WDPCP: variants seen among roughly 807,000 people sequenced by gnomAD.
WDPCP encodes the protein WD repeat containing planar cell polarity effector, also known as WD repeat-containing and planar cell polarity effector protein fritz homolog.
In WDPCP, 71 loss-of-function variants were observed where a neutral mutation model predicts 93.1. The ratio of observed to expected loss-of-function variants is 0.76; its 90% confidence interval spans 0.63 to 0.93. The LOEUF (loss-of-function observed/expected upper bound fraction) is 0.93. Ranked by LOEUF, WDPCP falls within the 40% of genes least tolerant of loss-of-function variation. The pLI, the probability that WDPCP is intolerant of heterozygous loss-of-function variation, is 0.00. For missense variants in WDPCP, 844 were observed against 887.4 expected, an observed-to-expected ratio of 0.95 and a Z score of 0.62; for synonymous variants, 315 against 315.0, an observed-to-expected ratio of 1.00 and a Z score of 0.00.
chr2:63,202,797 C>T (rs186067201), intron 14 of WDPCP, among the ~76,000 whole-genome samples: 1 of 152,104 alleles, frequency 6.6e-6, no homozygotes, highest in Admixed American at 6.5e-5. Context: ...CTTTGTTTAT[C>T]CTTTATTTTC....
intron 12 of WDPCP, among the ~76,000 whole-genome samples, chr2:63,357,815 A>C (rs755880746): frequency 3.9e-5 from 6 of 152,198 alleles, no homozygotes; most frequent in Non-Finnish European, 7.3e-5. Context: ...GCAAATGTTC[A>C]TTGCAGCACT....
At chr2:63,438,869 C>T (rs1697320311) in intron 7 of WDPCP, among the ~76,000 whole-genome samples, 1 of 152,086 alleles carries the variant, frequency 6.6e-6, no homozygotes, top group Non-Finnish European at 1.5e-5. Flanking sequence ...CATTTTCAAT[C>T]TTTCATGATA....
chr2:63,204,633 C>T (rs559978732), intron 14 of WDPCP, among the ~76,000 whole-genome samples: 25 of 152,242 alleles, frequency 1.6e-4, no homozygotes, highest in South Asian at 4.2e-4. Context: ...TGAGCCACTG[C>T]GCCTGGCCTG....
intron 13 of WDPCP, among the ~76,000 whole-genome samples, chr2:63,265,969 A>C (rs1682076029): frequency 6.6e-6 from 1 of 152,234 alleles, no homozygotes; most frequent in Non-Finnish European, 1.5e-5. Flanking sequence ...ACATCTGGTC[A>C]TGATAAAAAC....
At chr2:63,320,045 G>GA (rs1405362009) in intron 12 of WDPCP, among the ~76,000 whole-genome samples, 1 of 152,080 alleles carries the variant, frequency 6.6e-6, no homozygotes, top group African/African-American at 2.4e-5. Context: ...TTGAGCAAAT[G>GA]AGGTATTTGA....
chr2:63,758,256 G>A (rs149198340), intron 2 of WDPCP, among the ~76,000 whole-genome samples: 1 of 152,146 alleles, frequency 6.6e-6, no homozygotes, highest in East Asian at 1.9e-4. Flanking sequence ...TTCAGCAGAA[G>A]AGGTGTTTCG....
At chr2:63,431,924 C>A (rs1696791468) in intron 9 of WDPCP, among the ~76,000 whole-genome samples, 1 of 151,478 alleles carries the variant, frequency 6.6e-6, no homozygotes, top group Admixed American at 6.6e-5. Context: ...TAGAAATTTG[C>A]ATACAACTTT....
At chr2:63,442,452 C>T (rs938978278) in intron 6 of WDPCP, 2 of 152,168 alleles carry the variant, frequency 1.3e-5, no homozygotes, top group African/African-American at 4.8e-5. Flanking sequence ...GATTAGTTAT[C>T]TAACCAATGT....
chr2:63,732,150 G>C (rs1050484353), intron 2 of WDPCP, among the ~76,000 whole-genome samples: 1 of 152,138 alleles, frequency 6.6e-6, no homozygotes, highest in Non-Finnish European at 1.5e-5. Flanking sequence ...ACAGATGGGG[G>C]GAAATGAAAA....
chr2:63,555,415 C>A (rs1421849101), intron 1 of WDPCP, among the ~76,000 whole-genome samples: 2 of 151,112 alleles, frequency 1.3e-5, no homozygotes, highest in East Asian at 3.9e-4. Context: ...TTTTCCCCTG[C>A]TGTCTCTAGA....
chr2:63,594,945 G>C (rs914128347), intron 3 of WDPCP: 2 of 254,286 alleles, frequency 7.9e-6, no homozygotes, highest in Non-Finnish European at 1.5e-5. Flanking sequence ...AAAGAGTAAG[G>C]AAATCTGCTT....
chr2:63,499,463 T>C (rs1701413795), intron 1 of WDPCP, among the ~76,000 whole-genome samples: 1 of 152,188 alleles, frequency 6.6e-6, no homozygotes, highest in South Asian at 2.1e-4. Flanking sequence ...TTAAAAAGAA[T>C]AATTAATAGA....
chr2:63,734,091 T>C (rs1669603013), intron 2 of WDPCP, among the ~76,000 whole-genome samples: 1 of 152,218 alleles, frequency 6.6e-6, no homozygotes, highest in African/African-American at 2.4e-5. Context: ...GTCCATTTTA[T>C]GGCAAAACAA....
intron 12 of WDPCP, among the ~76,000 whole-genome samples, chr2:63,337,496 T>C (rs537993553): frequency 1.3e-5 from 2 of 152,344 alleles, no homozygotes; most frequent in African/African-American, 4.8e-5. Context: ...CTTTTGGATA[T>C]ATATGCAGTA....
chr2:63,707,389 G>A (rs142297049), intron 2 of WDPCP, among the ~76,000 whole-genome samples: 375 of 151,860 alleles, frequency 2.5e-3, no homozygotes, highest in Non-Finnish European at 4.6e-3. Context: ...ATCTTCCACC[G>A]CTGATACCCT....
In WDPCP at chr2:63,620,591, C is replaced by T. The variant is rs543962050; in HGVS notation, n.488+30068G>A. 3.9e-5 allele frequency among the ~76,000 whole-genome samples: 6 copies of T among 152,286 alleles called. No individual in the cohort carries two copies. In the South Asian group the frequency reaches 1.2e-3, roughly 32 times the overall value. ...ACCTGGGGGAAGGGGTGGGTGTGGG[C>T]ACAGCTTCAGCAGATTTAAACGTTC... is the stretch of plus-strand genomic sequence containing the variant. On this transcript the variant is annotated intron_variant and non_coding_transcript_variant, in intron 3 of 4. Coordinates refer to the WDPCP transcript ENST00000467687.
At chr2:63,613,219 C>T (rs1275020634) in intron 3 of WDPCP, among the ~76,000 whole-genome samples, 1 of 152,256 alleles carries the variant, frequency 6.6e-6, no homozygotes, top group Non-Finnish European at 1.5e-5. Context: ...TTTTGTCCCA[C>T]TGTCTTAAGA....
At chr2:63,232,300 G>A (rs1466104101) in intron 14 of WDPCP, among the ~76,000 whole-genome samples, 1 of 152,216 alleles carries the variant, frequency 6.6e-6, no homozygotes, top group Non-Finnish European at 1.5e-5. Flanking sequence ...GTATTCTTAA[G>A]AGTCCAGACT....
intron 2 of WDPCP, among the ~76,000 whole-genome samples, chr2:63,738,667 CA>C: frequency 6.6e-6 from 1 of 152,052 alleles, no homozygotes; most frequent in Non-Finnish European, 1.5e-5. Flanking sequence ...TAGCTATAGG[CA>C]TAGTAATATG....
Sources: gnomAD v4.1 joint callset for allele counts (sites outside exome capture counted in the v4.1 genomes callset) on GRCh38, gnomAD v4.1.1 for gene constraint, MANE v1.5 for transcripts, NCBI Gene and HGNC (gene_info 2026-07-23, HGNC 2026-07-21) for gene names.